The following SPATA13 variants were observed in gnomAD, a reference collection of about 807,000 sequenced individuals.
SPATA13 encodes spermatogenesis associated 13.
In SPATA13, 50 loss-of-function variants were observed where a neutral mutation model predicts 104.0. The ratio of observed to expected loss-of-function variants is 0.48; its 90% CI spans 0.38 to 0.61. The LOEUF (loss-of-function observed/expected upper bound fraction) is 0.61, where lower values mean the gene tolerates loss of function less well. Ranked by LOEUF, SPATA13 falls within the 20% of genes least tolerant of loss-of-function variation. SPATA13 has a pLI of 0.00. For synonymous variants in SPATA13, 606 were observed against 667.5 expected, an observed-to-expected ratio of 0.91 and a Z score of 1.42; for missense variants, 1,524 against 1,690.6, an observed-to-expected ratio of 0.90 and a Z score of 1.73.
At chr13:24,181,959 A>G (rs965474317) in intron 1 of SPATA13, among the ~76,000 whole-genome samples, 3 of 152,212 alleles carry the variant, frequency 2.0e-5, no homozygotes, top group Admixed American at 6.5e-5. Flanking sequence ...TACTAAAAAT[A>G]CAAAAATTAG....
In SPATA13 at chr13:24,024,326, A is replaced by G. The variant is rs2147993; in HGVS notation, c.-112+6625A>G. Among the ~76,000 whole-genome samples the G allele has an allele frequency of 4.6e-3, 698 of 150,502 alleles. 6 individuals are homozygous for G. Among genetic ancestry groups the G allele is most frequent in the African/African-American group, 0.016 (648 of 41,258 alleles). On this transcript the variant is annotated intron_variant, in intron 3 of 14. Transcript: ENST00000424834. ...CCCAGACCATGGTGGGTGCTTAACT[A>G]TTTATTGGATGGATGGATGAATGGA...
At chr13:24,030,413 T>C (rs1233267158) in intron 3 of SPATA13, among the ~76,000 whole-genome samples, 1 of 152,222 alleles carries the variant, frequency 6.6e-6, no homozygotes, top group Non-Finnish European at 1.5e-5. Context: ...TTCCTGTCAA[T>C]GGTTTCAGTA....
chr13:24,080,410 C>G (rs1879472582), intron 3 of SPATA13, among the ~76,000 whole-genome samples: 1 of 152,202 alleles, frequency 6.6e-6, no homozygotes, highest in Non-Finnish European at 1.5e-5. Context: ...GGCTTGGGCC[C>G]AAGTCACCTT....
At chr13:24,192,709 G>C (rs929293464) in intron 1 of SPATA13, among the ~76,000 whole-genome samples, 1 of 152,190 alleles carries the variant, frequency 6.6e-6, no homozygotes, top group Non-Finnish European at 1.5e-5. Context: ...TCTACGGTGT[G>C]ATTGGGTCAG....
In SPATA13 at chr13:24,187,455, C is replaced by T. The variant is rs116476058; in HGVS notation, c.-112+26523C>T. Among the ~76,000 whole-genome samples the T allele has an allele frequency of 5.7e-3, 864 of 152,208 alleles. 6 individuals carry two copies. Among genetic ancestry groups the T allele is most frequent in the African/African-American group, 0.019 (808 of 41,518 alleles). ...GATGTGGAAAACAGCGACCGGCTTA[C>T]GTTTTATTCTGCCTAGCTTTATTGC... On this transcript the variant is annotated intron_variant, in intron 1 of 12. Transcript: ENST00000382108.
chr13:24,129,476 G>A (rs1355427813), intron 3 of SPATA13, among the ~76,000 whole-genome samples: 2 of 152,232 alleles, frequency 1.3e-5, no homozygotes, highest in Admixed American at 6.5e-5. Flanking sequence ...ACCTTCTGGA[G>A]TTAGAGGAGG....
chr13:24,171,043 T>C (rs1316990177), intron 1 of SPATA13, among the ~76,000 whole-genome samples: 1 of 151,920 alleles, frequency 6.6e-6, no homozygotes, highest in East Asian at 2.0e-4. Context: ...CCCTTCTTTC[T>C]GAATCCTGCA....
chr13:24,050,845 C>G (rs779375442), intron 3 of SPATA13, among the ~76,000 whole-genome samples: 1 of 152,222 alleles, frequency 6.6e-6, no homozygotes, highest in Non-Finnish European at 1.5e-5. Context: ...GTGTAACACT[C>G]AGACACCCAA....
chr13:24,232,606 A>G (rs1329684394), intron 2 of SPATA13, among the ~76,000 whole-genome samples: 2 of 152,180 alleles, frequency 1.3e-5, no homozygotes, highest in Non-Finnish European at 2.9e-5. Flanking sequence ...CAATGGTGCA[A>G]TCACAGCTTA....
At chr13:24,023,494 T>G (rs1877076705) in intron 3 of SPATA13, among the ~76,000 whole-genome samples, 1 of 152,218 alleles carries the variant, frequency 6.6e-6, no homozygotes, top group African/African-American at 2.4e-5. Context: ...AAGATGTCCA[T>G]GTCCTATTCC....
At chr13:24,055,754 A>C (rs1878518765) in intron 3 of SPATA13, among the ~76,000 whole-genome samples, 2 of 152,220 alleles carry the variant, frequency 1.3e-5, no homozygotes, top group South Asian at 2.1e-4. Context: ...GATGGAATAG[A>C]CAATCTCAAA....
chr13:24,163,331 G>A (rs962430527), intron 1 of SPATA13, among the ~76,000 whole-genome samples: 3 of 152,196 alleles, frequency 2.0e-5, no homozygotes, highest in Non-Finnish European at 2.9e-5. Flanking sequence ...GAGCCTGGGA[G>A]GTTGAGACTG....
chr13:24,122,706 C>T (rs879109183), intron 3 of SPATA13: 70 of 942,796 alleles, frequency 7.4e-5, no homozygotes, highest in Admixed American at 5.8e-4. Flanking sequence ...TACATAATTA[C>T]GAAGGAGGAG....
At chr13:24,237,879 T>TA (rs1566166817) in intron 2 of SPATA13, among the ~76,000 whole-genome samples, 2 of 89,058 alleles carry the variant, frequency 2.2e-5, no homozygotes, top group African/African-American at 8.0e-5. Context: ...ATAATATATA[T>TA]CATTTATAAT....
At chr13:24,184,628 T>A (rs1024072784) in intron 1 of SPATA13, among the ~76,000 whole-genome samples, 2 of 152,222 alleles carry the variant, frequency 1.3e-5, no homozygotes, top group African/African-American at 4.8e-5. Flanking sequence ...GGCAACAGCA[T>A]GAACTCACTA....
At chr13:24,063,316 G>T (rs79150846) in intron 3 of SPATA13, among the ~76,000 whole-genome samples, 1,820 of 152,300 alleles carry the variant, frequency 0.012, 79 homozygotes, top group East Asian at 0.11. Context: ...AATAAAAATT[G>T]TATGTGTTTA....
At chr13:24,145,071 T>G (rs1881886021) in intron 3 of SPATA13, among the ~76,000 whole-genome samples, 1 of 152,222 alleles carries the variant, frequency 6.6e-6, no homozygotes, top group African/African-American at 2.4e-5. Flanking sequence ...ACACTATTTC[T>G]GAAGTGGGCA....
chr13:24,195,572 A>AAG (rs1359172843), intron 1 of SPATA13, among the ~76,000 whole-genome samples: 1 of 152,204 alleles, frequency 6.6e-6, no homozygotes, highest in African/African-American at 2.4e-5. Flanking sequence ...CCAGCAATAT[A>AAG]AGAGTGTTCT....
chr13:24,289,158 G>C lies in SPATA13; in HGVS notation c.2827G>C (p.Gly943Arg). 2.5e-6 allele frequency: 4 copies of C among 1,609,516 alleles called. No homozygotes were observed. The highest frequency in any genetic ancestry group is 3.4e-6 in the Non-Finnish European group (4 of 1,179,024). ...AGAGGAACCTCACTTAAGTGAAATAGGATCTTGCTTTCTTCAAAATGTGCG... is the reference window on the plus strand; with the variant it reads ...AGAGGAACCTCACTTAAGTGAAATACGATCTTGCTTTCTTCAAAATGTGCG... Reference protein sequence around the residue: ...NKEEPHLSEIGSCFLQNQEGF... With the variant: ...NKEEPHLSEIRSCFLQNQEGF... The change falls in exon 8 of 13, where the codon GGA becomes CGA. Residue 943 changes from glycine to arginine, a missense_variant. Physicochemically the swap from Gly to Arg is moderately radical, Grantham distance 125. Around this residue, in one of 2 missense-constraint regions of SPATA13, gnomAD observed 435 missense variants for 554.8 expected, o/e 0.78. Transcript: ENST00000382108.
Sources: gnomAD v4.1 joint callset for allele counts (sites outside exome capture counted in the v4.1 genomes callset) on GRCh38, gnomAD v4.1.1 for gene constraint, gnomAD v4.1.1 regional missense constraint, MANE v1.5 for transcripts, NCBI Gene and HGNC (gene_info 2026-07-23, HGNC 2026-07-21) for gene names.